DOK5: variants seen among roughly 807,000 people sequenced by gnomAD.
DOK5 encodes the protein docking protein 5, also known as downstream of tyrosine kinase 5.
A neutral mutation model predicts 43.3 loss-of-function variants in DOK5; 27 were observed. The ratio of observed to expected loss-of-function variants is 0.62; its 90% confidence interval spans 0.46 to 0.86. The LOEUF is 0.86. Ranked by LOEUF, DOK5 falls within the 40% of genes least tolerant of loss-of-function variation. DOK5 has a pLI of 0.00. For synonymous variants in DOK5, 146 were observed against 140.1 expected (o/e 1.04, Z -0.30); for missense variants, 373 against 392.9 (o/e 0.95, Z 0.43).
In DOK5 at chr20:54,490,937, T is replaced by C. The variant is rs555443223; in HGVS notation, c.66+14925T>C. ...GGCTATAGCATCTACTTTTCACTCT[T>C]CAAATGGTGAACTCTTTTCCGTCCA... On this transcript the variant is annotated intron_variant, in intron 1 of 7. Coordinates refer to ENST00000262593, the MANE Select transcript of DOK5 (RefSeq NM_018431.5). Among the ~76,000 whole-genome samples the C allele has an allele frequency of 5.3e-5, 8 of 152,334 alleles. No homozygotes were observed. The South Asian group carries it at 1.7e-3, about 32-fold the overall frequency.
At chr20:54,562,418 T>TTTA (rs1464459524) in intron 2 of DOK5, among the ~76,000 whole-genome samples, 9 of 152,130 alleles carry the variant, frequency 5.9e-5, no homozygotes, top group African/African-American at 1.4e-4. Flanking sequence ...TTAAATTTTA[T>TTTA]TTATTATTAT....
chr20:54,644,113 G>A (rs1368384232), intron 7 of DOK5, among the ~76,000 whole-genome samples: 1 of 152,232 alleles, frequency 6.6e-6, no homozygotes, highest in Admixed American at 6.5e-5. Context: ...AGGTCTAGGA[G>A]CCAATGTTTT....
chr20:54,501,485 A>G (rs1288052942), intron 1 of DOK5, among the ~76,000 whole-genome samples: 2 of 146,506 alleles, frequency 1.4e-5, no homozygotes, highest in African/African-American at 5.4e-5. Context: ...AAAAAAAAAA[A>G]AAAAAAAGAA....
intron 6 of DOK5, among the ~76,000 whole-genome samples, chr20:54,629,202 A>G (rs2146814253): frequency 6.6e-6 from 1 of 152,302 alleles, no homozygotes; most frequent in Admixed American, 6.5e-5. Context: ...GTGGGAAGAT[A>G]TTTCCTCTTT....
intron 6 of DOK5, among the ~76,000 whole-genome samples, chr20:54,629,847 C>T (rs920036930): frequency 6.6e-6 from 1 of 152,166 alleles, no homozygotes; most frequent in Non-Finnish European, 1.5e-5. Flanking sequence ...GGCCCAGGAG[C>T]CTTTAAGTGC....
At chr20:54,588,827 C>T (rs375379923) in intron 4 of DOK5, 21 bp downstream of exon 4, 3 of 1,611,176 alleles carry the variant, frequency 1.9e-6, no homozygotes, top group African/African-American at 2.7e-5. Flanking sequence ...AAAATTCTCT[C>T]CTCTCTCTTT....
chr20:54,492,587 C>T (rs1982227581), intron 1 of DOK5, among the ~76,000 whole-genome samples: 2 of 150,658 alleles, frequency 1.3e-5, no homozygotes, highest in South Asian at 4.1e-4. Context: ...TACTCTTACA[C>T]AGTTGTGTAC....
chr20:54,574,934 A>T (rs1379702776), intron 2 of DOK5, among the ~76,000 whole-genome samples: 1 of 152,192 alleles, frequency 6.6e-6, no homozygotes, highest in Non-Finnish European at 1.5e-5. Flanking sequence ...CCTCCAAGTG[A>T]TCAAGCTGAG....
At chr20:54,585,073 T>C (rs908356419) in intron 2 of DOK5, among the ~76,000 whole-genome samples, 3 of 152,178 alleles carry the variant, frequency 2.0e-5, no homozygotes, top group African/African-American at 7.2e-5. Flanking sequence ...AAATTATTAC[T>C]ATACTTTAGC....
chr20:54,645,720 C>T (rs1297172461), intron 7 of DOK5, among the ~76,000 whole-genome samples: 2 of 152,060 alleles, frequency 1.3e-5, no homozygotes, highest in African/African-American at 4.8e-5. Context: ...TCAGCTCTCC[C>T]AGGAAGCAAT....
intron 6 of DOK5, among the ~76,000 whole-genome samples, chr20:54,632,738 T>C (rs1337234747): frequency 6.6e-6 from 1 of 152,168 alleles, no homozygotes. Flanking sequence ...CAAAGCATGG[T>C]TCCTAAATCA....
chr20:54,476,047 G>C, intron 1 of DOK5, 35 bp downstream of exon 1: 1 of 1,609,800 alleles, frequency 6.2e-7, no homozygotes, highest in Admixed American at 1.7e-5. Context: ...GCTGTTCGCC[G>C]GTTCGATTGT....
At chr20:54,598,000 A>C (rs1304492097) in intron 5 of DOK5, among the ~76,000 whole-genome samples, 1 of 152,048 alleles carries the variant, frequency 6.6e-6, no homozygotes, top group African/African-American at 2.4e-5. Flanking sequence ...TGAGCTGCGC[A>C]CTGGGGTATA....
chr20:54,569,116 C>T (rs1372429564), intron 2 of DOK5, among the ~76,000 whole-genome samples: 4 of 151,868 alleles, frequency 2.6e-5, no homozygotes, highest in Non-Finnish European at 4.4e-5. Flanking sequence ...TTCTCACACA[C>T]ATATAAATTA....
intron 1 of DOK5, among the ~76,000 whole-genome samples, chr20:54,548,643 A>G (rs1167924702): frequency 1.3e-5 from 2 of 152,238 alleles, no homozygotes; most frequent in Non-Finnish European, 2.9e-5. Flanking sequence ...GAAAAATGTT[A>G]ACTAAACAAT....
rs78817381 is a variant in DOK5 at position 54,578,309 on chromosome 20, C to G, written c.175-10174C>G. ...GAGAAAATCAAGTATTTCAAAGGTC[C>G]TAATACTGACATTTTTAGTAAGCCG... On this transcript the variant is annotated intron_variant, in intron 2 of 7. Coordinates refer to ENST00000262593, the MANE Select transcript of DOK5 (RefSeq NM_018431.5). Among the ~76,000 whole-genome samples, 790 of 152,150 alleles carry G rather than the reference C, an allele frequency of 5.2e-3. 5 individuals are homozygous for G. The highest frequency in any genetic ancestry group is 0.027 in the Middle Eastern group (8 of 294).
At chr20:54,529,707 T>G (rs187463836) in intron 1 of DOK5, among the ~76,000 whole-genome samples, 2 of 152,346 alleles carry the variant, frequency 1.3e-5, no homozygotes, top group African/African-American at 4.8e-5. Flanking sequence ...CCGTACCCAT[T>G]AACAGTAGTC....
At chr20:54,546,298 C>T (rs549537812) in intron 1 of DOK5, among the ~76,000 whole-genome samples, 82 of 152,278 alleles carry the variant, frequency 5.4e-4, no homozygotes, top group African/African-American at 1.9e-3. Context: ...TATTAACATC[C>T]TGCTTGAGAA....
At chr20:54,614,628 G>A (rs551322255) in intron 6 of DOK5, among the ~76,000 whole-genome samples, 3 of 152,254 alleles carry the variant, frequency 2.0e-5, no homozygotes, top group Middle Eastern at 3.4e-3. Flanking sequence ...TGAGTAAATC[G>A]TTTGGATTAT....
Sources: gnomAD v4.1 joint callset for allele counts (sites outside exome capture counted in the v4.1 genomes callset) on GRCh38, gnomAD v4.1.1 for gene constraint, MANE v1.5 for transcripts, NCBI Gene and HGNC (gene_info 2026-07-23, HGNC 2026-07-21) for gene names.